BNIP2: variants seen among roughly 807,000 people sequenced by gnomAD.
BNIP2 encodes BCL2 interacting protein 2.
A neutral mutation model predicts 43.4 loss-of-function variants in BNIP2; 36 were observed. The observed-to-expected ratio is 0.83, with a 90% CI of 0.64 to 1.10. BNIP2 has a LOEUF of 1.10. Ranked by LOEUF, BNIP2 falls within the 50% of genes least tolerant of loss-of-function variation. BNIP2 has a pLI of 0.00. For synonymous variants in BNIP2, 146 were observed against 121.0 expected (o/e 1.21, Z -1.35); for missense variants, 417 against 374.1 (o/e 1.11, Z -0.95).
chr15:59,680,469 C>T (rs552293599), intron 2 of BNIP2, among the ~76,000 whole-genome samples, 161 bp from the exon 3 acceptor site: 2 of 152,220 alleles, frequency 1.3e-5, no homozygotes, highest in African/African-American at 2.4e-5. Context: ...GTCACCTAGG[C>T]TGGAATACAA....
chr15:59,688,898 TG>T (rs1183653330), intron 1 of BNIP2: 3 of 1,471,978 alleles, frequency 2.0e-6, no homozygotes, highest in Non-Finnish European at 2.7e-6. Context: ...AGCGACGGGG[TG>T]GGGGGCCAAA....
At chr15:59,682,378 A>T (rs1330595140) in intron 2 of BNIP2, 30 bp downstream of exon 2, 2 of 1,569,988 alleles carry the variant, frequency 1.3e-6, no homozygotes, top group Middle Eastern at 1.7e-4. Context: ...TTTTGCTCTA[A>T]AATTGTTTTC....
rs1165693803 is a variant in BNIP2, at chr15:59,660,632, G to T, written c.*3437C>A. 1 of 152,126 alleles carries T rather than the reference G, an allele frequency of 6.6e-6. No homozygotes were observed. Among genetic ancestry groups the T allele is most frequent in the South Asian group, 2.1e-4 (1 of 4,824 alleles). 9.4% of individuals were successfully genotyped at this position (152,126 alleles called of 1,614,324 possible). On this transcript the variant is annotated 3_prime_UTR_variant, in exon 10 of 10. Coordinates refer to ENST00000607373, the MANE Select transcript of BNIP2 (RefSeq NM_004330.4). ...TTTAAAAGGCCTCTATCAAAAAGCAGATCTCTTACCTTTTTAAATTCTGGA... is the reference window on the plus strand; with the variant it reads ...TTTAAAAGGCCTCTATCAAAAAGCATATCTCTTACCTTTTTAAATTCTGGA...
chr15:59,668,099 A>C (rs1328175952), intron 9 of BNIP2: 3 of 1,297,694 alleles, frequency 2.3e-6, no homozygotes. Context: ...AGGTGTGCAT[A>C]TACCTTTTTT....
chr15:59,664,542 C>T lies in BNIP2; in HGVS notation c.894-422G>A, dbSNP rs1479761421. ...GACTACAGGCGCCCGCCACCATGCCCGGCTAATTTTTCGTATTTTTAGTAG... is the reference window on the plus strand; with the variant it reads ...GACTACAGGCGCCCGCCACCATGCCTGGCTAATTTTTCGTATTTTTAGTAG... On this transcript the variant is annotated intron_variant, in intron 9 of 9. Transcript: ENST00000607373. Among the ~76,000 whole-genome samples, 5 of 152,004 alleles carry T rather than the reference C, an allele frequency of 3.3e-5. 1 individual carries two copies. Among genetic ancestry groups the T allele is most frequent in the South Asian group, 4.1e-4 (2 of 4,826 alleles).
intron 4 of BNIP2, chr15:59,678,382 T>C: frequency 2.7e-6 from 3 of 1,113,624 alleles, no homozygotes; most frequent in Non-Finnish European, 2.2e-6. Context: ...ATCAAAATCT[T>C]AGTACACTGG....
intron 4 of BNIP2, chr15:59,678,711 GTAA>G: frequency 8.1e-7 from 1 of 1,227,958 alleles, no homozygotes; most frequent in South Asian, 1.4e-5. Context: ...TTTCAATGTA[GTAA>G]TAATTTTCAA....
chr15:59,665,523 T>C (rs1337082529), intron 9 of BNIP2: 1 of 152,166 alleles, frequency 6.6e-6, no homozygotes, highest in Non-Finnish European at 1.5e-5. Context: ...GGTGGAAGGA[T>C]TGCTTGAGCC....
intron 6 of BNIP2, among the ~76,000 whole-genome samples, chr15:59,672,045 C>T (rs1388332321): frequency 6.6e-6 from 1 of 152,130 alleles, no homozygotes; most frequent in Non-Finnish European, 1.5e-5. Flanking sequence ...CACTGCACTC[C>T]AGCCTGGGTG....
intron 2 of BNIP2, among the ~76,000 whole-genome samples, chr15:59,680,867 G>A (rs1893623806): frequency 6.6e-6 from 1 of 152,184 alleles, no homozygotes; most frequent in Non-Finnish European, 1.5e-5. Flanking sequence ...AAAGCACTAG[G>A]ATTATAGGCG....
At chr15:59,679,464 A>G in intron 4 of BNIP2, 128 bp downstream of exon 4, 3 of 1,115,012 alleles carry the variant, frequency 2.7e-6, no homozygotes, top group South Asian at 1.7e-5. Context: ...GTCCTTGAGA[A>G]TATTCAAGGG....
In BNIP2 at chr15:59,660,161, C is replaced by G. The variant is rs1305216916; in HGVS notation, c.*3908G>C. The G allele has an allele frequency of 2.0e-5, 3 of 152,222 alleles. No individual in the cohort carries two copies. Among genetic ancestry groups the G allele is most frequent in the African/African-American group, 7.2e-5 (3 of 41,456 alleles). 9.4% of individuals were successfully genotyped at this position (152,222 alleles called of 1,614,324 possible). The stretch of plus-strand genomic sequence containing the variant: ...TGACTCTTTCTCGCAGCAACTCAAA[C>G]TACACAATTCCTATGACCTATAACA... On this transcript the variant is annotated 3_prime_UTR_variant, in exon 10 of 10. Coordinates refer to ENST00000607373, the MANE Select transcript of BNIP2 (RefSeq NM_004330.4).
At chr15:59,681,145 C>T (rs1893641323) in intron 2 of BNIP2, among the ~76,000 whole-genome samples, 1 of 152,132 alleles carries the variant, frequency 6.6e-6, no homozygotes, top group Non-Finnish European at 1.5e-5. Context: ...ATCAGCATTC[C>T]TATATTTACT....
chr15:59,671,026 T>C (rs1371577237), intron 7 of BNIP2, among the ~76,000 whole-genome samples, 157 bp downstream of exon 7: 1 of 151,606 alleles, frequency 6.6e-6, no homozygotes, highest in Non-Finnish European at 1.5e-5. Context: ...TGAACCGAGA[T>C]TGTGCCATTG....
chr15:59,676,787 T>C, intron 5 of BNIP2: 1 of 1,509,590 alleles, frequency 6.6e-7, no homozygotes. Flanking sequence ...TTCGGATATC[T>C]GCGGTGGCCG....
rs774065595 is a variant in BNIP2 at position 59,679,623 on chromosome 15, C to G, written c.264G>C (p.Pro88=). 2 of 1,613,070 alleles carry G rather than the reference C, an allele frequency of 1.2e-6. No homozygotes were observed. The highest frequency in any genetic ancestry group is 1.7e-6 in the Non-Finnish European group (2 of 1,179,500). ...GEIDLDGLDT[P]SENSNEFEWE... ...ACTCAAACTCATTACTATTCTCTGACGGTGTGTCTAAGCCATCTAAGTCAA... is the reference window on the plus strand; with the variant it reads ...ACTCAAACTCATTACTATTCTCTGAGGGTGTGTCTAAGCCATCTAAGTCAA... The change falls in exon 4 of 10, where the codon CCG becomes CCC. Residue 88 remains proline (P), a synonymous_variant. Coordinates refer to ENST00000607373, the MANE Select transcript of BNIP2 (RefSeq NM_004330.4).
At chr15:59,683,782 G>T (rs1285619595) in intron 1 of BNIP2, among the ~76,000 whole-genome samples, 1 of 152,212 alleles carries the variant, frequency 6.6e-6, no homozygotes, top group African/African-American at 2.4e-5. Context: ...TCACACCATT[G>T]CACTCCAGTC....
intron 9 of BNIP2, among the ~76,000 whole-genome samples, chr15:59,667,192 A>G (rs1892618391): frequency 6.6e-6 from 1 of 152,238 alleles, no homozygotes; most frequent in Non-Finnish European, 1.5e-5. Context: ...AACTGATTCT[A>G]TCACAAAGTC....
intron 9 of BNIP2, among the ~76,000 whole-genome samples, chr15:59,665,923 A>G (rs1324657348): frequency 1.3e-5 from 2 of 152,292 alleles, no homozygotes; most frequent in East Asian, 3.9e-4. Flanking sequence ...GGTCTGTGGT[A>G]AAGCCAAAGT....
Sources: gnomAD v4.1 joint callset for allele counts (sites outside exome capture counted in the v4.1 genomes callset) on GRCh38, gnomAD v4.1.1 for gene constraint, MANE v1.5 for transcripts, NCBI Gene and HGNC (gene_info 2026-07-23, HGNC 2026-07-21) for gene names.